Variants in MAST4 observed in about 807,000 individuals in gnomAD.
MAST4 encodes microtubule-associated serine/threonine-protein kinase 4.
Under a neutral mutation model 162.7 loss-of-function variants are expected in MAST4, and 89 were observed. The ratio of observed to expected loss-of-function variants is 0.55; its 90% CI spans 0.46 to 0.65. MAST4 has a LOEUF of 0.65. MAST4 is among the 30% of genes least tolerant of loss of function. The pLI, the probability that MAST4 is intolerant of heterozygous loss-of-function variation, is 0.00. For synonymous variants in MAST4, 1,479 were observed against 1,361.1 expected (o/e 1.09, Z -1.91); for missense variants, 3,153 against 3,374.0 (o/e 0.93, Z 1.62).
At chr5:66,743,690 A>G (rs1455428059) in intron 1 of MAST4, among the ~76,000 whole-genome samples, 2 of 152,174 alleles carry the variant, frequency 1.3e-5, no homozygotes, top group Non-Finnish European at 2.9e-5. Flanking sequence ...AGCCCAGGGA[A>G]ACAGGAGGAT....
chr5:66,997,655 A>G (rs1750822500), intron 4 of MAST4, among the ~76,000 whole-genome samples: 1 of 150,296 alleles, frequency 6.7e-6, no homozygotes, highest in Non-Finnish European at 1.5e-5. Flanking sequence ...CTGGTTTTGA[A>G]CTCCTGACCT....
At position 66,812,260 on chromosome 5, in the gene MAST4, G is replaced by A. The variant is rs573155509; in HGVS notation, c.642+23466G>A. Among the ~76,000 whole-genome samples the A allele has an allele frequency of 2.6e-5, 4 of 152,312 alleles. No homozygotes were observed. The East Asian group carries it at 7.7e-4, about 29-fold the overall frequency. On this transcript the variant is annotated intron_variant, in intron 3 of 28. Coordinates refer to ENST00000403625, the MANE Select transcript of MAST4 (RefSeq NM_001164664.2). ...ATATATTACTGAAAATTAATATTCT[G>A]CTGCTGAATTATTTTTATCGATTTA...
intron 4 of MAST4, among the ~76,000 whole-genome samples, chr5:66,909,596 T>A (rs1763609437): frequency 6.6e-6 from 1 of 152,210 alleles, no homozygotes; most frequent in Non-Finnish European, 1.5e-5. Flanking sequence ...ATATGTTGAT[T>A]GCAAACCATG....
rs536458265 is a variant in MAST4, at chr5:67,126,377, G to A, written c.1746-3833G>A. 3.3e-5 allele frequency among the ~76,000 whole-genome samples: 5 copies of A among 152,200 alleles called. No homozygotes were observed. The South Asian group carries it at 8.3e-4, about 25-fold the overall frequency. On this transcript the variant is annotated intron_variant, in intron 14 of 28. Coordinates refer to ENST00000403625, the MANE Select transcript of MAST4 (RefSeq NM_001164664.2). ...TTCCTCTAGGGTTTTTATGGTTTTA[G>A]GTCTTACATTTAAGTCTTTAATCCA... is the stretch of plus-strand genomic sequence containing the variant.
chr5:66,775,383 TA>T (rs1376349903), intron 2 of MAST4, among the ~76,000 whole-genome samples: 1 of 152,128 alleles, frequency 6.6e-6, no homozygotes, highest in Non-Finnish European at 1.5e-5. Context: ...ACTGTTACTA[TA>T]AAACATGAGG....
At chr5:67,063,793 C>T (rs985610090) in intron 5 of MAST4, among the ~76,000 whole-genome samples, 1 of 152,138 alleles carries the variant, frequency 6.6e-6, no homozygotes, top group African/African-American at 2.4e-5. Context: ...GAAGTCCCAG[C>T]TGGATCTTAA....
intron 4 of MAST4, among the ~76,000 whole-genome samples, chr5:66,918,899 T>G (rs1764287893): frequency 6.6e-6 from 1 of 152,256 alleles, no homozygotes; most frequent in Admixed American, 6.5e-5. Flanking sequence ...GAGATTTTGT[T>G]CTTGACCAGC....
At position 66,795,609 on chromosome 5, in the gene MAST4, C is replaced by G. The variant is rs1481585738; in HGVS notation, c.642+6815C>G. Among the ~76,000 whole-genome samples, 7 of 152,166 alleles carry G rather than the reference C, an allele frequency of 4.6e-5. 1 individual carries two copies. The highest frequency in any genetic ancestry group is 1.0e-4 in the Non-Finnish European group (7 of 68,016). On this transcript the variant is annotated intron_variant, in intron 3 of 28. Transcript: ENST00000403625. Reference sequence around the variant, plus strand: ...ATAAAATTATTCTTTTAAATTTATGCTTTAGTGAAATCAATATGGTTATTG... The same window carrying G: ...ATAAAATTATTCTTTTAAATTTATGGTTTAGTGAAATCAATATGGTTATTG...
In MAST4 at chr5:66,972,964, A is replaced by G. The variant is rs1028437543; in HGVS notation, c.674+72982A>G. Among the ~76,000 whole-genome samples, 17 of 152,226 alleles carry G rather than the reference A, an allele frequency of 1.1e-4. 1 individual carries two copies. In the South Asian group the frequency reaches 1.2e-3, roughly 11 times the overall value. ...TTCCTACCCCTTCAACTTTTTTTTA[A>G]ATCCCAAACCTGTTTTTAAAAAGTT... On this transcript the variant is annotated intron_variant, in intron 4 of 28. Transcript: ENST00000403625.
intron 5 of MAST4, among the ~76,000 whole-genome samples, chr5:67,055,999 G>GATAT (rs59787536): frequency 0.11 from 16,681 of 145,352 alleles, 987 homozygotes; most frequent in Middle Eastern, 0.2. Context: ...TTTGTTTAGG[G>GATAT]ATATATATAT....
At chr5:66,890,702 G>A (rs1347540563) in intron 3 of MAST4, among the ~76,000 whole-genome samples, 1 of 152,156 alleles carries the variant, frequency 6.6e-6, no homozygotes, top group African/African-American at 2.4e-5. Context: ...CCTACAGGAG[G>A]GGTCTGTGGT....
chr5:66,629,866 TA>T (rs1188627639), intron 1 of MAST4, among the ~76,000 whole-genome samples: 1 of 152,258 alleles, frequency 6.6e-6, no homozygotes, highest in Admixed American at 6.5e-5. Flanking sequence ...GCCTTTTGGT[TA>T]AGATCAAGTG....
At chr5:67,043,481 A>G (rs1207667562) in intron 4 of MAST4, among the ~76,000 whole-genome samples, 1 of 152,218 alleles carries the variant, frequency 6.6e-6, no homozygotes, top group African/African-American at 2.4e-5. Flanking sequence ...AGATTGGAAC[A>G]TTAGATTTAA....
At chr5:66,658,008 T>C (rs1746662428) in intron 1 of MAST4, among the ~76,000 whole-genome samples, 1 of 152,224 alleles carries the variant, frequency 6.6e-6, no homozygotes, top group African/African-American at 2.4e-5. Flanking sequence ...AGTGTACGCA[T>C]GTATATATTT....
chr5:66,789,849 C>G (rs1248737389), intron 3 of MAST4: 1 of 476,094 alleles, frequency 2.1e-6, no homozygotes, highest in African/African-American at 2.0e-5. Context: ...GCCTGGATCA[C>G]TCTTTTCTAT....
At position 66,837,293 on chromosome 5, in the gene MAST4, A is replaced by C. The variant is rs537075147; in HGVS notation, c.642+48499A>C. Among the ~76,000 whole-genome samples, 230 of 152,280 alleles carry C rather than the reference A, an allele frequency of 1.5e-3. 1 individual carries two copies. The highest frequency in any genetic ancestry group is 5.2e-3 in the African/African-American group (218 of 41,558). On this transcript the variant is annotated intron_variant, in intron 3 of 28. Transcript: ENST00000403625. ...TATTTTCTTTTTCTTCATCATTATC[A>C]TCTAAAATAACATGAAAATGTACTA... is the stretch of plus-strand genomic sequence containing the variant.
rs1430495495 is a variant in MAST4, at chr5:67,163,517, CGAG to C, written c.4342_4344del (p.Glu1448del). ...CCCCGCTGCTCAAGCGCGTGCAGTC[CGAG>C]GAGAAGCTGTCGCCCTCTTACGGCA... is the stretch of plus-strand genomic sequence containing the variant. On this transcript the variant is annotated inframe_deletion, in exon 29 of 29. Coordinates refer to ENST00000403625, the MANE Select transcript of MAST4 (RefSeq NM_001164664.2). This position sits in a 1 kb window ranked among gnomAD's most constrained non-coding sequence, Gnocchi z 7.0. 1.2e-6 allele frequency: 2 copies of C among 1,609,820 alleles called. No individual in the cohort carries two copies. Among genetic ancestry groups the C allele is most frequent in the Non-Finnish European group, 1.7e-6 (2 of 1,178,182 alleles).
chr5:66,691,423 A>AAACTTTTCAGAG (rs1749031388), intron 1 of MAST4, among the ~76,000 whole-genome samples: 1 of 152,192 alleles, frequency 6.6e-6, no homozygotes, highest in African/African-American at 2.4e-5. Flanking sequence ...ATTGAGTAAA[A>AAACTTTTCAGAG]AACTTTTCAG....
intron 5 of MAST4, among the ~76,000 whole-genome samples, chr5:67,077,802 A>G (rs531038090): frequency 2.0e-5 from 3 of 152,292 alleles, no homozygotes; most frequent in East Asian, 1.9e-4. Flanking sequence ...ATTAAACCAT[A>G]AAAGTACTAG....
Sources: allele counts gnomAD v4.1 joint callset (sites outside exome capture counted in the v4.1 genomes callset), GRCh38; gene constraint gnomAD v4.1.1; non-coding constraint Gnocchi (gnomAD v3.1); transcripts MANE v1.5; gene names NCBI Gene and HGNC (gene_info 2026-07-23, HGNC 2026-07-21).